ATP13A3: variants seen among roughly 807,000 people sequenced by gnomAD.
The protein encoded by ATP13A3 is ATPase 13A3.
Under a neutral mutation model 158.1 loss-of-function variants are expected in ATP13A3, and 59 were observed. The observed-to-expected ratio is 0.37, with a 90% CI of 0.30 to 0.46. The LOEUF is 0.46. ATP13A3 is among the 20% of genes least tolerant of loss of function. ATP13A3 has a pLI of 1.00. For synonymous variants in ATP13A3, 491 were observed against 504.3 expected (o/e 0.97, Z 0.35); for missense variants, 1,166 against 1,525.2 (o/e 0.76, Z 3.92).
Position 194,461,102 on chromosome 3 carries a change from A to G in ATP13A3, c.52-271T>C, listed in dbSNP as rs140879531. Among the ~76,000 whole-genome samples the G allele has an allele frequency of 2.2e-4, 34 of 152,324 alleles. 1 individual carries two copies. The highest frequency in any genetic ancestry group is 7.7e-4 in the African/African-American group (32 of 41,578). On this transcript the variant is annotated intron_variant, in intron 3 of 33. Coordinates refer to ENST00000645319, the MANE Select transcript of ATP13A3 (RefSeq NM_001367549.1). ...TCTTTCCCACTGATATAGTAAATTC[A>G]TATTTAGTACACTTCCCTAGAATGT...
intron 31 of ATP13A3, among the ~76,000 whole-genome samples, chr3:194,415,422 T>C (rs376414779): frequency 6.6e-6 from 1 of 152,116 alleles, no homozygotes; most frequent in East Asian, 1.9e-4. Context: ...ATAATGCATT[T>C]TGTTTTCTTC....
At chr3:194,492,460 CTTTTTTT>C (rs35373585) in intron 2 of ATP13A3, among the ~76,000 whole-genome samples, 1 of 141,082 alleles carries the variant, frequency 7.1e-6, no homozygotes. Flanking sequence ...CTCCTGTGTA[CTTTTTTT>C]TTTTTTTTTG....
intron 33 of ATP13A3, 138 bp from the exon 34 acceptor site, chr3:194,406,254 A>C: frequency 1.1e-6 from 1 of 942,170 alleles, no homozygotes; most frequent in Non-Finnish European, 1.5e-6. Context: ...TGGGGGAAAA[A>C]AAAATCCATG....
chr3:194,457,575 T>C (rs76609866), intron 6 of ATP13A3, among the ~76,000 whole-genome samples: 1 of 152,170 alleles, frequency 6.6e-6, no homozygotes, highest in African/African-American at 2.4e-5. Context: ...TTTAGCTACA[T>C]AGTTTCTCCT....
intron 28 of ATP13A3, among the ~76,000 whole-genome samples, chr3:194,428,445 G>GA (rs1358351343): frequency 6.6e-6 from 1 of 152,018 alleles, no homozygotes; most frequent in Non-Finnish European, 1.5e-5. Flanking sequence ...GGGACTACGG[G>GA]AAAATAGGCA....
Position 194,428,792 on chromosome 3 carries a change from T to G in ATP13A3, c.2947+53A>C, listed in dbSNP as rs1577044998. On this transcript the variant is annotated intron_variant, in intron 28 of 33. Transcript: ENST00000645319. ...TGTAAATTTACAAAAATTTAATAAG[T>G]CACATCAGAATTTCATACACTTTAA... 1.1e-5 allele frequency: 14 copies of G among 1,315,810 alleles called. No homozygotes were observed. In the South Asian group the frequency reaches 1.6e-4, roughly 15 times the overall value. 81.5% of individuals were successfully genotyped at this position (1,315,810 alleles called of 1,614,324 possible).
intron 2 of ATP13A3, among the ~76,000 whole-genome samples, chr3:194,485,124 G>T (rs1035669498): frequency 2.6e-5 from 4 of 151,358 alleles, no homozygotes; most frequent in Non-Finnish European, 5.9e-5. Flanking sequence ...CCTGACCAAA[G>T]CCAGGCATTG....
chr3:194,471,324 TAAAAAAAAAAAAA>T (rs59967046), intron 2 of ATP13A3, among the ~76,000 whole-genome samples: 7 of 88,112 alleles, frequency 7.9e-5, no homozygotes, highest in African/African-American at 1.1e-4. Flanking sequence ...CAGCAAATTC[TAAAAAAAAAAAAA>T]AAAAAAAAAA....
intron 16 of ATP13A3, 32 bp from the exon 17 acceptor site, chr3:194,439,004 A>G (rs1717862035): frequency 7.0e-7 from 1 of 1,419,672 alleles, no homozygotes; most frequent in African/African-American, 1.5e-5. Flanking sequence ...AAAAAAACAA[A>G]AACACAACAT....
rs1717423928 is a variant in ATP13A3 at position 194,433,791 on chromosome 3, A to T, written c.2226T>A (p.Ile742=). Residue 742 remains isoleucine, a synonymous_variant, in exon 21 of 34, where the codon ATT becomes ATA. Transcript: ENST00000645319. ...AVLEDLHKAN[I]RTVMVTGDSM... ...TCTAACCTGTGACCATGACGGTGCG[A>T]ATGTTGGCTTTATGCAAATCTTCAA... The T allele has an allele frequency of 6.2e-7, 1 of 1,614,094 alleles. No individual in the cohort carries two copies. Among genetic ancestry groups the T allele is most frequent in the African/African-American group, 1.3e-5 (1 of 75,042 alleles).
rs111966951 is a variant in ATP13A3 at position 194,454,634 on chromosome 3, T to C, written c.631-242A>G. On this transcript the variant is annotated intron_variant, in intron 8 of 33. Coordinates refer to ENST00000645319, the MANE Select transcript of ATP13A3 (RefSeq NM_001367549.1). ...ATGAGGTCAGGAGATCAAAACATCC[T>C]GGCTAACACGGTGAAACCCTGTCTC... 3.3e-3 allele frequency among the ~76,000 whole-genome samples: 477 copies of C among 146,298 alleles called. 3 individuals are homozygous for C. The highest frequency in any genetic ancestry group is 0.011 in the African/African-American group (421 of 39,926).
chr3:194,484,020 A>G (rs982696232), intron 2 of ATP13A3, among the ~76,000 whole-genome samples: 25 of 152,316 alleles, frequency 1.6e-4, no homozygotes, highest in African/African-American at 5.5e-4. Flanking sequence ...AACAGTTCAC[A>G]GTTGTGTGCT....
At position 194,403,330 on chromosome 3, in the gene ATP13A3, T is replaced by TAGCCACTTGTATTCAAGCATTATTTG. The variant is rs1714736664; in HGVS notation, c.*2563_*2588dup. On this transcript the variant is annotated 3_prime_UTR_variant, in exon 34 of 34. Coordinates refer to ENST00000645319, the MANE Select transcript of ATP13A3 (RefSeq NM_001367549.1). ...AAAAGTATTTATTCTGTTGTTGGCT[T>TAGCCACTTGTATTCAAGCATTATTTG]AGCCACTTGTATTCAAGCATTATTT... The TAGCCACTTGTATTCAAGCATTATTTG allele has an allele frequency of 1.3e-5, 2 of 152,372 alleles. No homozygotes were observed. The highest frequency in any genetic ancestry group is 3.9e-4 in the East Asian group (2 of 5,194). The allele number at this position is 152,372 out of a possible 1,614,324, so 9.4% of individuals were successfully genotyped here. A position where few individuals can be genotyped will look rare whatever the true frequency, so the allele number is the denominator to read the frequency against.
Position 194,469,999 on chromosome 3 carries a change from A to C in ATP13A3, c.-46-7763T>G, listed in dbSNP as rs140009394. The stretch of plus-strand genomic sequence containing the variant: ...TCAGAATCATCCAACTGTAATAACC[A>C]AATTGTGACAATTCTTTATGAGGGC... On this transcript the variant is annotated intron_variant, in intron 2 of 33. Transcript: ENST00000645319. Among the ~76,000 whole-genome samples the C allele has an allele frequency of 6.7e-3, 1,023 of 152,352 alleles. 2 individuals are homozygous for C. The highest frequency in any genetic ancestry group is 0.031 in the Middle Eastern group (9 of 294).
Position 194,486,551 on chromosome 3 carries a change from C to A in ATP13A3, c.-89+15G>T. On this transcript the variant is annotated intron_variant, in intron 1 of 33. Coordinates refer to ENST00000645319, the MANE Select transcript of ATP13A3 (RefSeq NM_001367549.1). ...CCCCCGGCGCCGCTGCCCACCCGCC[C>A]CTCGCCCCGCTCACCGGGGCCGCTC... 1 of 152,146 alleles carries A rather than the reference C, an allele frequency of 6.6e-6. No homozygotes were observed. The highest frequency in any genetic ancestry group is 1.8e-4 in the South Asian group (1 of 5,598). The allele number at this position is 152,146 out of a possible 1,614,324, so 9.4% of individuals were successfully genotyped here. A position where few individuals can be genotyped will look rare whatever the true frequency, so the allele number is the denominator to read the frequency against.
chr3:194,457,523 A>G (rs940241277), intron 6 of ATP13A3, among the ~76,000 whole-genome samples: 1 of 152,200 alleles, frequency 6.6e-6, no homozygotes, highest in Non-Finnish European at 1.5e-5. Flanking sequence ...AAGATAAAGT[A>G]TAACTTGAGA....
intron 30 of ATP13A3, among the ~76,000 whole-genome samples, chr3:194,425,081 A>G (rs78032212): frequency 0.14 from 21,087 of 152,146 alleles, 2,109 homozygotes; most frequent in African/African-American, 0.27. Flanking sequence ...CTCCCTCCAC[A>G]ATGGGTTGCA....
intron 15 of ATP13A3, among the ~76,000 whole-genome samples, chr3:194,442,990 T>C (rs953490416): frequency 2.0e-5 from 3 of 151,600 alleles, no homozygotes; most frequent in African/African-American, 7.3e-5. Flanking sequence ...GCTCTGCCTA[T>C]GAAGGAACCA....
intron 8 of ATP13A3, among the ~76,000 whole-genome samples, chr3:194,454,722 A>G (rs1344713117): frequency 1.3e-5 from 2 of 151,848 alleles, no homozygotes; most frequent in South Asian, 2.1e-4. Flanking sequence ...CCAGCTACTC[A>G]GGAGGCCGAA....
Sources: gnomAD v4.1 joint callset for allele counts (sites outside exome capture counted in the v4.1 genomes callset) on GRCh38, gnomAD v4.1.1 for gene constraint, MANE v1.5 for transcripts, NCBI Gene and HGNC (gene_info 2026-07-23, HGNC 2026-07-21) for gene names.